AUTS2: variants seen among roughly 807,000 people sequenced by gnomAD.
AUTS2 encodes activator of transcription and developmental regulator AUTS2, also known as autism susceptibility gene 2 protein.
AUTS2 carries 17 observed loss-of-function variants against 112.4 expected under a neutral mutation model. The ratio of observed to expected loss-of-function variants is 0.15; its 90% CI spans 0.10 to 0.23. The LOEUF (loss-of-function observed/expected upper bound fraction) is 0.23. Among genes scored for constraint, AUTS2 ranks in the 10% least tolerant of loss-of-function variants. AUTS2 has a pLI of 1.00. For synonymous variants in AUTS2, 751 were observed against 702.7 expected (o/e 1.07, Z -1.09); for missense variants, 1,510 against 1,701.6 (o/e 0.89, Z 1.98).
chr7:70,016,407 C>G (rs527878734), intron 2 of AUTS2, among the ~76,000 whole-genome samples: 13 of 152,084 alleles, frequency 8.5e-5, no homozygotes, highest in Non-Finnish European at 1.6e-4. Flanking sequence ...CCACCAGGAT[C>G]GTGTGATGGT....
intron 1 of AUTS2, among the ~76,000 whole-genome samples, chr7:69,676,788 T>C (rs892252869): frequency 3.3e-5 from 5 of 151,046 alleles, no homozygotes; most frequent in Non-Finnish European, 7.4e-5. Context: ...TAAATTCTTA[T>C]TTATTCCTGA....
chr7:70,377,525 A>G (rs1248485617), intron 4 of AUTS2, among the ~76,000 whole-genome samples: 2 of 150,788 alleles, frequency 1.3e-5, no homozygotes, highest in Non-Finnish European at 3.0e-5. Flanking sequence ...GTATAGTTTA[A>G]TGGCATTAAA....
chr7:69,678,134 T>A (rs1796640264), intron 1 of AUTS2, among the ~76,000 whole-genome samples: 1 of 152,034 alleles, frequency 6.6e-6, no homozygotes, highest in Non-Finnish European at 1.5e-5. Flanking sequence ...AATCTGGAAG[T>A]GCTCATCTGA....
intron 1 of AUTS2, among the ~76,000 whole-genome samples, chr7:69,698,020 A>G (rs559197746): frequency 4.1e-4 from 63 of 152,302 alleles, no homozygotes; most frequent in African/African-American, 1.3e-3. Flanking sequence ...GGAGAACAGG[A>G]TGTTACTTTT....
chr7:70,578,835 G>T (rs891452861), intron 5 of AUTS2, among the ~76,000 whole-genome samples: 1 of 151,556 alleles, frequency 6.6e-6, no homozygotes, highest in Non-Finnish European at 1.5e-5. Context: ...GGTTAAGCAT[G>T]TTGCTAGCTA....
intron 10 of AUTS2, among the ~76,000 whole-genome samples, chr7:70,770,473 G>A (rs1790266438): frequency 6.6e-6 from 1 of 152,208 alleles, no homozygotes; most frequent in Non-Finnish European, 1.5e-5. Flanking sequence ...CGAAGGTGGG[G>A]CATTATTTAA....
intron 2 of AUTS2, among the ~76,000 whole-genome samples, chr7:70,081,263 C>G (rs17365375): frequency 0.26 from 38,687 of 151,382 alleles, 4,918 homozygotes; most frequent in Middle Eastern, 0.33. Context: ...AAACTCAGAA[C>G]AAAATGAGCT....
intron 6 of AUTS2, among the ~76,000 whole-genome samples, chr7:70,732,666 A>G (rs1787495331): frequency 6.6e-6 from 1 of 152,210 alleles, no homozygotes; most frequent in African/African-American, 2.4e-5. Flanking sequence ...GAGTTGGCCC[A>G]GGCAGGCCCA....
intron 12 of AUTS2, chr7:70,774,303 C>T: frequency 1.8e-6 from 1 of 552,084 alleles, no homozygotes; most frequent in Non-Finnish European, 3.2e-6. Context: ...CACAAAGAGA[C>T]CGACTTGCCG....
chr7:70,533,007 C>T (rs755122736), intron 5 of AUTS2, among the ~76,000 whole-genome samples: 7 of 152,134 alleles, frequency 4.6e-5, no homozygotes, highest in Non-Finnish European at 1.0e-4. Context: ...CCAGAGAAGG[C>T]CATAGGGACA....
intron 4 of AUTS2, among the ~76,000 whole-genome samples, chr7:70,247,417 A>T (rs947526162): frequency 2.6e-5 from 4 of 152,178 alleles, no homozygotes; most frequent in Admixed American, 1.3e-4. Context: ...GTTTGGGAAG[A>T]TGAAAAAATT....
intron 17 of AUTS2, among the ~76,000 whole-genome samples, chr7:70,786,570 A>G (rs372473951): frequency 6.6e-6 from 1 of 152,204 alleles, no homozygotes; most frequent in East Asian, 1.9e-4. Context: ...CATCTCGATT[A>G]GGAGAAGAAT....
chr7:69,892,170 ATTTTTTT>A (rs35883320), intron 1 of AUTS2, among the ~76,000 whole-genome samples: 1 of 125,272 alleles, frequency 8.0e-6, no homozygotes, highest in Non-Finnish European at 1.7e-5. Context: ...AGTTTTGAGA[ATTTTTTT>A]TTTTTTTTTT....
Position 70,602,100 on chromosome 7 carries a change from AG to A in AUTS2, c.691-96468del, listed in dbSNP as rs922346683. Among the ~76,000 whole-genome samples, 206 of 152,112 alleles carry A rather than the reference AG, an allele frequency of 1.4e-3. 1 individual carries two copies. Among genetic ancestry groups the A allele is most frequent in the African/African-American group, 4.0e-3 (164 of 41,400 alleles). ...AGGCACATCCTCAGGGCTCCCAGGC[AG>A]CTTCTCTTTATGGTTGCAACACACC... On this transcript the variant is annotated intron_variant, in intron 5 of 18. Coordinates refer to ENST00000342771, the MANE Select transcript of AUTS2 (RefSeq NM_015570.4).
At chr7:70,134,222 G>T (rs1806424161) in intron 3 of AUTS2, among the ~76,000 whole-genome samples, 1 of 152,138 alleles carries the variant, frequency 6.6e-6, no homozygotes, top group Admixed American at 6.6e-5. Flanking sequence ...TGTCTGTTTA[G>T]TCTCAGTGCA....
At chr7:70,048,187 T>C (rs141489294) in intron 2 of AUTS2, among the ~76,000 whole-genome samples, 13 of 152,320 alleles carry the variant, frequency 8.5e-5, no homozygotes, top group African/African-American at 3.1e-4. Context: ...TTTACAAAAG[T>C]TAATGCTGTT....
chr7:70,126,893 C>G (rs1806002424), intron 3 of AUTS2, among the ~76,000 whole-genome samples: 1 of 152,096 alleles, frequency 6.6e-6, no homozygotes, highest in South Asian at 2.1e-4. Context: ...ATGGTGCGAT[C>G]TCGGCTCACT....
Position 69,778,253 on chromosome 7 carries a change from T to A in AUTS2, c.310-121033T>A, listed in dbSNP as rs1485496031. 4.1e-5 allele frequency among the ~76,000 whole-genome samples: 6 copies of A among 148,100 alleles called. No homozygotes were observed. In the South Asian group the frequency reaches 6.4e-4, roughly 16 times the overall value. On this transcript the variant is annotated intron_variant, in intron 1 of 18. Coordinates refer to ENST00000342771, the MANE Select transcript of AUTS2 (RefSeq NM_015570.4). Reference sequence around the variant, plus strand: ...ATATATATATATATATATATTTTTTTTTTTTTTTACTCATTTGGTCTGTGT... The same window carrying A: ...ATATATATATATATATATATTTTTTATTTTTTTTACTCATTTGGTCTGTGT...
intron 8 of AUTS2, 130 bp from the exon 9 acceptor site, chr7:70,765,983 AT>A: frequency 6.9e-7 from 1 of 1,442,492 alleles, no homozygotes; most frequent in Non-Finnish European, 9.1e-7. Context: ...GCCCCCGTTT[AT>A]CTCAGGGCCC....
Sources: allele counts gnomAD v4.1 joint callset (sites outside exome capture counted in the v4.1 genomes callset), GRCh38; gene constraint gnomAD v4.1.1; transcripts MANE v1.5; gene names NCBI Gene and HGNC (gene_info 2026-07-23, HGNC 2026-07-21).